Variants in TASOR2 observed in about 807,000 individuals in gnomAD.
TASOR2 encodes protein TASOR 2.
Under a neutral mutation model 199.5 loss-of-function variants are expected in TASOR2, and 84 were observed. The observed-to-expected ratio is 0.42, with a 90% CI of 0.35 to 0.50. TASOR2 has a LOEUF of 0.50. TASOR2 is among the 20% of genes least tolerant of loss of function. The pLI is 0.02. For missense variants in TASOR2, 2,796 were observed against 2,835.9 expected (o/e 0.99, Z 0.32); for synonymous variants, 1,103 against 1,046.6 (o/e 1.05, Z -1.04).
At chr10:5,746,890 A>T in exon 15 of TASOR2, 1 of 1,614,188 alleles carries the variant, frequency 6.2e-7, no homozygotes, top group Non-Finnish European at 8.5e-7. Context: ...TGATAAAACA[A>T]TGGTCATGGA....
At chr10:5,712,661 G>A in intron 1 of TASOR2, 162 bp from the exon 2 acceptor site, 1 of 865,388 alleles carries the variant, frequency 1.2e-6, no homozygotes, top group Non-Finnish European at 1.5e-6. Context: ...GCAGATCCTT[G>A]GAAATAGTCA....
chr10:5,736,594 AAGT>A (rs756361708), intron 12 of TASOR2, among the ~76,000 whole-genome samples: 20 of 152,222 alleles, frequency 1.3e-4, no homozygotes, highest in Non-Finnish European at 2.2e-4. Context: ...TTAATTTTAA[AAGT>A]AGTTTTACTG....
At chr10:5,721,360 C>A (rs1833335302) in intron 6 of TASOR2, among the ~76,000 whole-genome samples, 1 of 152,142 alleles carries the variant, frequency 6.6e-6, no homozygotes, top group Non-Finnish European at 1.5e-5. Flanking sequence ...ATAGCTGTTA[C>A]ATGTATTTAC....
At position 5,720,428 on chromosome 10, in the gene TASOR2, A is replaced by G; in HGVS notation, c.-99-116A>G. The G allele has an allele frequency of 1.2e-5, 17 of 1,410,834 alleles. No individual in the cohort carries two copies. Among genetic ancestry groups the G allele is most frequent in the Non-Finnish European group, 1.6e-5 (17 of 1,088,732 alleles). The allele number at this position is 1,410,834 out of a possible 1,614,324, so 87.4% of individuals were successfully genotyped here. Reference sequence around the variant, plus strand: ...GTTACCTGTGAATGAGTAACACCCAAGATATATTTCTGACTCTAATGTGTT... The same window carrying G: ...GTTACCTGTGAATGAGTAACACCCAGGATATATTTCTGACTCTAATGTGTT... On this transcript the variant is annotated intron_variant, in intron 3 of 20. Transcript: ENST00000328090. The surrounding 1 kb of genome is among the most constrained non-coding windows in gnomAD (Gnocchi z 5.3).
At chr10:5,694,051 A>T (rs1451389528) in intron 1 of TASOR2, among the ~76,000 whole-genome samples, 2 of 152,200 alleles carry the variant, frequency 1.3e-5, no homozygotes, top group Non-Finnish European at 2.9e-5. Context: ...AATAGATGTC[A>T]CTAAAGGAAC....
In TASOR2 at chr10:5,730,354, T is replaced by G; in HGVS notation, c.488-133T>G. On this transcript the variant is annotated intron_variant, in intron 10 of 20. Coordinates refer to ENST00000328090, the Ensembl canonical transcript of TASOR2. This position sits in a 1 kb window ranked among gnomAD's most constrained non-coding sequence, Gnocchi z 4.1. ...CCTCTAAGTCTTCTATTAATTGCCA[T>G]TTAGGTTGTCATTTGAAATACTATA... 1 of 655,254 alleles carries G rather than the reference T, an allele frequency of 1.5e-6. No individual in the cohort carries two copies. The allele number at this position is 655,254 out of a possible 1,614,324, so 40.6% of individuals were successfully genotyped here. A position where few individuals can be genotyped will look rare whatever the true frequency, so the allele number is the denominator to read the frequency against.
chr10:5,756,432 G>A (rs1347732012), intron 15 of TASOR2, among the ~76,000 whole-genome samples, 181 bp from the exon 17 acceptor site: 1 of 152,140 alleles, frequency 6.6e-6, no homozygotes, highest in African/African-American at 2.4e-5. Context: ...TCTAAGTCCA[G>A]TTGTTAACAA....
exon 15 of TASOR2, chr10:5,747,125 T>C (rs1460480982): frequency 5.0e-6 from 8 of 1,614,152 alleles, no homozygotes; most frequent in South Asian, 1.1e-5. Flanking sequence ...GGTGACTCTT[T>C]AGAACTAAGG....
In TASOR2 at chr10:5,689,246, G is replaced by T. The variant is rs1836149043; in HGVS notation, c.-288+4071G>T. Among the ~76,000 whole-genome samples the T allele has an allele frequency of 6.6e-6, 1 of 152,132 alleles. No individual in the cohort carries two copies. The highest frequency in any genetic ancestry group is 1.9e-4 in the East Asian group (1 of 5,198). On this transcript the variant is annotated intron_variant, in intron 1 of 20. Transcript: ENST00000328090. This position sits in a 1 kb window ranked among gnomAD's most constrained non-coding sequence, Gnocchi z 4.1. ...TCTATCAATTCATTTTGTTCTGACT[G>T]TTTTTTGTGGGTTCTTTTGTTGTTT...
At chr10:5,696,593 A>G (rs1214264960) in intron 1 of TASOR2, among the ~76,000 whole-genome samples, 2 of 152,040 alleles carry the variant, frequency 1.3e-5, no homozygotes, top group Non-Finnish European at 2.9e-5. Flanking sequence ...TGGGCTTGTG[A>G]TCTTCCTGCC....
chr10:5,723,166 C>T (rs1360373627), intron 6 of TASOR2, among the ~76,000 whole-genome samples: 2 of 148,368 alleles, frequency 1.3e-5, no homozygotes, highest in East Asian at 2.1e-4. Flanking sequence ...ATTCTCCTGC[C>T]TCAGCCTCCC....
At chr10:5,725,732 T>TACTGTGCC (rs1372760180) in intron 8 of TASOR2, among the ~76,000 whole-genome samples, 2 of 152,190 alleles carry the variant, frequency 1.3e-5, no homozygotes, top group Non-Finnish European at 2.9e-5. Context: ...AGTGAGCTGT[T>TACTGTGCC]ACTGTGCCAC....
intron 1 of TASOR2, among the ~76,000 whole-genome samples, chr10:5,695,018 A>T (rs1282026674): frequency 6.6e-6 from 1 of 152,208 alleles, no homozygotes; most frequent in Non-Finnish European, 1.5e-5. Flanking sequence ...AGATCAGTCT[A>T]TAGTTGTTGT....
chr10:5,748,781 T>C lies in TASOR2; in HGVS notation c.5360T>C (p.Ile1787Thr), dbSNP rs1306989821. Reference sequence around the variant, plus strand: ...TCCTTTGATACTTCTGTTTGTGGAATAGCCACAGAGCACGTAGAAATTGAG... The same window carrying C: ...TCCTTTGATACTTCTGTTTGTGGAACAGCCACAGAGCACGTAGAAATTGAG... The change falls in exon 15 of 21, where the codon ATA becomes ACA. Residue 1787 changes from isoleucine to threonine, a missense_variant. Around this residue, in one of 3 missense-constraint regions of TASOR2, gnomAD observed 1,941 missense variants for 1,924.9 expected, o/e 1.01. Transcript: ENST00000328090. The surrounding 1 kb of genome is among the most constrained non-coding windows in gnomAD (Gnocchi z 5.1). The C allele has an allele frequency of 1.2e-6, 2 of 1,614,050 alleles. No individual in the cohort carries two copies. The highest frequency in any genetic ancestry group is 1.7e-6 in the Non-Finnish European group (2 of 1,180,038).
In TASOR2 at chr10:5,742,763, G is replaced by T. The variant is rs989610870; in HGVS notation, c.2757+237G>T. Among the ~76,000 whole-genome samples the T allele has an allele frequency of 5.9e-5, 9 of 152,084 alleles. No homozygotes were observed. The highest frequency in any genetic ancestry group is 1.2e-4 in the Non-Finnish European group (8 of 68,014). Reference sequence around the variant, plus strand: ...AACCAGAGTAGAAAAATGTCACAGGGTCCACATGATCTGGGAGCCCAGCAT... The same window carrying T: ...AACCAGAGTAGAAAAATGTCACAGGTTCCACATGATCTGGGAGCCCAGCAT... On this transcript the variant is annotated intron_variant, in intron 14 of 20. Transcript: ENST00000328090. This position sits in a 1 kb window ranked among gnomAD's most constrained non-coding sequence, Gnocchi z 4.2.
At chr10:5,725,382 C>A (rs1413860570) in intron 8 of TASOR2, among the ~76,000 whole-genome samples, 48 of 98,660 alleles carry the variant, frequency 4.9e-4, no homozygotes, top group African/African-American at 2.1e-3. Context: ...TAGAGCAAGA[C>A]TCCATCTCAA....
At chr10:5,686,065 A>C (rs142549646) in intron 1 of TASOR2, among the ~76,000 whole-genome samples, 7 of 152,322 alleles carry the variant, frequency 4.6e-5, no homozygotes, top group Middle Eastern at 3.4e-3. Flanking sequence ...TAACGGTGCA[A>C]GAATACCCTT....
chr10:5,715,455 TA>T (rs1832504717), intron 2 of TASOR2, among the ~76,000 whole-genome samples: 2 of 152,176 alleles, frequency 1.3e-5, no homozygotes, highest in African/African-American at 4.8e-5. Flanking sequence ...TTGTCTATTC[TA>T]GACATTTCAT....
exon 15 of TASOR2, chr10:5,746,334 T>C: frequency 6.2e-7 from 1 of 1,614,144 alleles, no homozygotes; most frequent in Non-Finnish European, 8.5e-7. Context: ...ACAGTGGCAC[T>C]GTTACTCAAG....
Sources: allele counts gnomAD v4.1 joint callset (sites outside exome capture counted in the v4.1 genomes callset), GRCh38; gene constraint gnomAD v4.1.1; regional missense constraint gnomAD v4.1.1; non-coding constraint Gnocchi (gnomAD v3.1); transcripts MANE v1.5; gene names NCBI Gene and HGNC (gene_info 2026-07-23, HGNC 2026-07-21).